Variants in RTF1 observed in about 807,000 individuals in gnomAD.
RTF1 encodes RTF1 homolog, Paf1/RNA polymerase II complex component.
RTF1 carries 10 observed loss-of-function variants against 95.7 expected under a neutral mutation model. The ratio of observed to expected loss-of-function variants is 0.10; its 90% CI spans 0.06 to 0.18. The LOEUF is 0.18. Ranked by LOEUF, RTF1 falls within the 10% of genes least tolerant of loss-of-function variation. The pLI, the probability that RTF1 is intolerant of heterozygous loss-of-function variation, is 1.00. For missense variants in RTF1, 458 were observed against 875.6 expected (o/e 0.52, Z 6.02); for synonymous variants, 305 against 311.8 (o/e 0.98, Z 0.23).
chr15:41,452,760 T>G, intron 2 of RTF1, 141 bp from the exon 3 acceptor site: 1 of 681,788 alleles, frequency 1.5e-6, no homozygotes, highest in Non-Finnish European at 2.2e-6. Flanking sequence ...TTTTCAAAAA[T>G]CTGTATTTTT....
At position 41,482,233 on chromosome 15, in the gene RTF1, C is replaced by G. The variant is rs183505170; in HGVS notation, c.*1546C>G. 1 of 152,764 alleles carries G rather than the reference C, an allele frequency of 6.5e-6. No homozygotes were observed. The highest frequency in any genetic ancestry group is 6.5e-5 in the Admixed American group (1 of 15,300). The allele number at this position is 152,764 out of a possible 1,614,324, so 9.5% of individuals were successfully genotyped here. A position where few individuals can be genotyped will look rare whatever the true frequency, so the allele number is the denominator to read the frequency against. On this transcript the variant is annotated 3_prime_UTR_variant, in exon 18 of 18. Coordinates refer to ENST00000389629, the MANE Select transcript of RTF1 (RefSeq NM_015138.5). ...TGTTTGAAAAGAGATAAACTGACTGCTTGATAATCACTCTCAGGTGTAAAG... is the reference window on the plus strand; with the variant it reads ...TGTTTGAAAAGAGATAAACTGACTGGTTGATAATCACTCTCAGGTGTAAAG...
chr15:41,446,907 A>G (rs2050766612), intron 2 of RTF1, among the ~76,000 whole-genome samples: 1 of 151,676 alleles, frequency 6.6e-6, no homozygotes, highest in South Asian at 2.1e-4. Context: ...GGTTCAAGCA[A>G]TTCTCCTCCC....
intron 1 of RTF1, among the ~76,000 whole-genome samples, chr15:41,429,462 CTT>C (rs1299185822): frequency 6.6e-6 from 1 of 150,420 alleles, no homozygotes. Flanking sequence ...CTCTCTCTCT[CTT>C]TCCAGGAGTG....
intron 1 of RTF1, among the ~76,000 whole-genome samples, chr15:41,422,326 G>A (rs1283984569): frequency 6.6e-6 from 1 of 152,176 alleles, no homozygotes; most frequent in African/African-American, 2.4e-5. Flanking sequence ...CCTAGTTTGA[G>A]AGTTTGAAAG....
intron 2 of RTF1, among the ~76,000 whole-genome samples, chr15:41,446,206 AC>A (rs1379793674): frequency 1.3e-5 from 2 of 152,134 alleles, no homozygotes; most frequent in African/African-American, 4.8e-5. Context: ...ATGGAAACCT[AC>A]AATGTTACAG....
chr15:41,476,375 T>C (rs1435382630), intron 11 of RTF1, 71 bp from the exon 12 acceptor site: 1 of 1,244,344 alleles, frequency 8.0e-7, no homozygotes, highest in Non-Finnish European at 1.2e-6. Flanking sequence ...GCATCCAAAA[T>C]GGGCTCACTT....
At chr15:41,445,989 C>T (rs1009848073) in intron 2 of RTF1, among the ~76,000 whole-genome samples, 8 of 152,044 alleles carry the variant, frequency 5.3e-5, no homozygotes, top group African/African-American at 1.4e-4. Flanking sequence ...CTGTCTGCCT[C>T]GGCCTCCCAG....
chr15:41,426,781 ATGTGTGTGTG>A (rs58073154), intron 1 of RTF1, among the ~76,000 whole-genome samples: 1,528 of 78,420 alleles, frequency 0.019, 16 homozygotes, highest in South Asian at 0.044. Flanking sequence ...CTACATATAT[ATGTGTGTGTG>A]TGTGTGTGTG....
intron 2 of RTF1, among the ~76,000 whole-genome samples, chr15:41,444,728 C>T (rs1293381574): frequency 6.6e-6 from 1 of 152,142 alleles, no homozygotes; most frequent in Non-Finnish European, 1.5e-5. Flanking sequence ...CCTTTTTCCT[C>T]TGTTATATTG....
chr15:41,471,717 T>C (rs1190019187), intron 8 of RTF1, among the ~76,000 whole-genome samples: 1 of 152,124 alleles, frequency 6.6e-6, no homozygotes, highest in African/African-American at 2.4e-5. Flanking sequence ...AAGTGACTTC[T>C]ACACCAGGGA....
chr15:41,456,676 G>A (rs1056563771), intron 3 of RTF1, among the ~76,000 whole-genome samples: 8 of 151,560 alleles, frequency 5.3e-5, no homozygotes, highest in African/African-American at 1.7e-4. Context: ...GAGCGCCTGA[G>A]CTACTCGGGA....
intron 8 of RTF1, 25 bp from the exon 9 acceptor site, chr15:41,474,595 C>G (rs2050933084): frequency 6.4e-7 from 1 of 1,565,718 alleles, no homozygotes; most frequent in Admixed American, 1.7e-5. Context: ...CTGGTTTTGA[C>G]TGGCGTCTCT....
At chr15:41,418,129 T>G (rs79281824) in intron 1 of RTF1, among the ~76,000 whole-genome samples, 4,147 of 152,280 alleles carry the variant, frequency 0.027, 79 homozygotes, top group Middle Eastern at 0.082. Flanking sequence ...GTTGAACTGT[T>G]TATATACTCT....
At chr15:41,441,512 G>A (rs2050735890) in intron 2 of RTF1, among the ~76,000 whole-genome samples, 1 of 152,128 alleles carries the variant, frequency 6.6e-6, no homozygotes, top group Non-Finnish European at 1.5e-5. Context: ...TTTGCAGTTA[G>A]TACTGAGATT....
At chr15:41,438,650 C>G (rs1415812505) in intron 2 of RTF1, among the ~76,000 whole-genome samples, 1 of 152,070 alleles carries the variant, frequency 6.6e-6, no homozygotes, top group African/African-American at 2.4e-5. Flanking sequence ...CACCTGAGGT[C>G]AGGAGTTCGA....
intron 1 of RTF1, among the ~76,000 whole-genome samples, chr15:41,422,509 G>A (rs1243889147): frequency 6.6e-6 from 1 of 152,068 alleles, no homozygotes; most frequent in Non-Finnish European, 1.5e-5. Flanking sequence ...TATTTATGCA[G>A]TAAGTCCTAT....
chr15:41,464,211 C>T (rs1030129375), intron 4 of RTF1, among the ~76,000 whole-genome samples: 2 of 150,506 alleles, frequency 1.3e-5, no homozygotes, highest in Admixed American at 6.6e-5. Context: ...GCTAGAGTGG[C>T]GCAGATGAGT....
rs1391086734 is a variant in RTF1, at chr15:41,457,838, G to C, written c.624G>C (p.Leu208=). ...CAGAGAAAGAGAGAGAGCAAGAACT[G>C]TTCAATCGCATAGAGAAGAGGGAGG... ...QMTEKEREQE[L]FNRIEKREVL... is the part of the protein sequence containing the mutation. The change falls in exon 4 of 18, where the codon CTG becomes CTC. Residue 208 remains leucine, a synonymous_variant. Coordinates refer to ENST00000389629, the MANE Select transcript of RTF1 (RefSeq NM_015138.5). 3.1e-6 allele frequency: 5 copies of C among 1,613,920 alleles called. No homozygotes were observed. In the African/African-American group the frequency reaches 4.0e-5, roughly 13 times the overall value.
intron 6 of RTF1, among the ~76,000 whole-genome samples, chr15:41,467,738 T>C (rs970049769): frequency 4.1e-5 from 6 of 147,902 alleles, no homozygotes; most frequent in Non-Finnish European, 9.0e-5. Context: ...CAAAAGATAA[T>C]GTGGGGCTGA....
Sources: allele counts gnomAD v4.1 joint callset (sites outside exome capture counted in the v4.1 genomes callset), GRCh38; gene constraint gnomAD v4.1.1; transcripts MANE v1.5; gene names NCBI Gene and HGNC (gene_info 2026-07-23, HGNC 2026-07-21).